Variants in ARNT observed in about 807,000 individuals in gnomAD.
ARNT encodes the protein aryl hydrocarbon receptor nuclear translocator, also known as class E basic helix-loop-helix protein 2.
Under a neutral mutation model 105.0 loss-of-function variants are expected in ARNT, and 30 were observed. The ratio of observed to expected loss-of-function variants is 0.29; its 90% CI spans 0.21 to 0.39. ARNT has a LOEUF of 0.39. ARNT is among the 10% of genes least tolerant of loss of function. The probability of loss-of-function intolerance (pLI) is 1.00; values close to 1 mark genes in which losing one functional copy is unlikely to be tolerated. For missense variants in ARNT, 748 were observed against 978.7 expected (o/e 0.76, Z 3.15); for synonymous variants, 304 against 344.0 (o/e 0.88, Z 1.29).
At chr1:150,865,581 C>T (rs910402686) in intron 1 of ARNT, among the ~76,000 whole-genome samples, 1 of 152,094 alleles carries the variant, frequency 6.6e-6, no homozygotes, top group African/African-American at 2.4e-5. Context: ...TTCTCTATTC[C>T]TTCTAACCAA....
rs587605416 is a variant in ARNT, at chr1:150,838,552, A to G, written c.486+889T>C. 7.2e-5 allele frequency among the ~76,000 whole-genome samples: 11 copies of G among 152,314 alleles called. No homozygotes were observed. The South Asian group carries it at 2.3e-3, about 32-fold the overall frequency. On this transcript the variant is annotated intron_variant, in intron 6 of 21. Transcript: ENST00000358595. ...TATGTAGTTTTAAGTAGACCATCCT[A>G]TTTGGAAAATTCTTATTCCATTTTC...
At chr1:150,827,972 A>C (rs1658611745) in intron 12 of ARNT, among the ~76,000 whole-genome samples, 1 of 152,192 alleles carries the variant, frequency 6.6e-6, no homozygotes, top group Admixed American at 6.5e-5. Context: ...CTTCAGTCAA[A>C]TGTCAAGTCT....
chr1:150,854,312 C>T (rs1664155480), intron 2 of ARNT, among the ~76,000 whole-genome samples: 1 of 152,156 alleles, frequency 6.6e-6, no homozygotes, highest in Admixed American at 6.5e-5. Context: ...AGTCCACGCA[C>T]TTTGGGAGGC....
chr1:150,813,805 C>T (rs1403645986), intron 20 of ARNT, among the ~76,000 whole-genome samples: 2 of 151,908 alleles, frequency 1.3e-5, no homozygotes, highest in East Asian at 1.9e-4. Context: ...GTACCACACC[C>T]GGTAGAGACA....
rs201943984 is a variant in ARNT, at chr1:150,817,476, AT to A, written c.1506-44del. ...GTTGACAAGACAAATAGAAAAAAAA[AT>A]TTTTTTTAAAAAAGAATCTGGAGAA... On this transcript the variant is annotated intron_variant, in intron 15 of 21. Transcript: ENST00000358595. The A allele has an allele frequency of 4.4e-6, 7 of 1,582,566 alleles. No individual in the cohort carries two copies. The Admixed American group carries it at 8.7e-5, about 20-fold the overall frequency.
chr1:150,818,512 A>T (rs1404966707), intron 14 of ARNT: 1 of 152,178 alleles, frequency 6.6e-6, no homozygotes, highest in Non-Finnish European at 1.5e-5. Flanking sequence ...GCACTTTGGG[A>T]GGCTGAGGCA....
At chr1:150,824,000 G>A (rs1031055793) in intron 13 of ARNT, among the ~76,000 whole-genome samples, 9 of 148,162 alleles carry the variant, frequency 6.1e-5, no homozygotes, top group Non-Finnish European at 1.3e-4. Context: ...GTGCCACCAC[G>A]CCCAGCTAAT....
At chr1:150,859,344 CT>C (rs587772891) in intron 1 of ARNT, among the ~76,000 whole-genome samples, 1,678 of 133,858 alleles carry the variant, frequency 0.013, 13 homozygotes, top group African/African-American at 0.019. Flanking sequence ...CAGCTGAGTA[CT>C]TTTTTTTTTT....
intron 1 of ARNT, among the ~76,000 whole-genome samples, chr1:150,871,016 A>C (rs1268492620): frequency 6.6e-6 from 1 of 151,996 alleles, no homozygotes; most frequent in Non-Finnish European, 1.5e-5. Flanking sequence ...AAAATAATAA[A>C]AACTTTAAAA....
intron 19 of ARNT, 121 bp from the exon 20 acceptor site, chr1:150,814,360 T>A (rs1267603120): frequency 2.1e-6 from 2 of 937,504 alleles, no homozygotes; most frequent in Non-Finnish European, 3.2e-6. Flanking sequence ...TCATCACTTA[T>A]TTCCTATTGT....
At chr1:150,856,291 T>G (rs943034307) in intron 2 of ARNT, among the ~76,000 whole-genome samples, 3 of 151,456 alleles carry the variant, frequency 2.0e-5, no homozygotes, top group Non-Finnish European at 4.4e-5. Flanking sequence ...TACAAAAAAA[T>G]TAGTCGGGCA....
intron 1 of ARNT, among the ~76,000 whole-genome samples, chr1:150,875,971 CCGGGGACGGAGA>C (rs1376312693): frequency 1.1e-4 from 16 of 152,282 alleles, no homozygotes; most frequent in African/African-American, 3.8e-4. Flanking sequence ...AAAGTATAGT[CCGGGGACGGAGA>C]CGGGGACGGG....
chr1:150,817,230 A>G lies in ARNT; in HGVS notation c.1579-28T>C, dbSNP rs1379243974. ...GTGGAATACAATGATAAAAATAACC[A>G]TTAAAGATTTAACATGACAATTCAA... On this transcript the variant is annotated intron_variant, in intron 16 of 21. Coordinates refer to ENST00000358595, the MANE Select transcript of ARNT (RefSeq NM_001668.4). 8 of 1,613,514 alleles carry G rather than the reference A, an allele frequency of 5.0e-6. No individual in the cohort carries two copies. The East Asian group carries it at 1.3e-4, about 27-fold the overall frequency.
intron 12 of ARNT, 114 bp from the exon 13 acceptor site, chr1:150,826,731 A>G (rs1658368205): frequency 3.0e-6 from 2 of 667,518 alleles, no homozygotes; most frequent in Non-Finnish European, 5.1e-6. Flanking sequence ...TGCAACCTCC[A>G]CCTCCTGAGT....
intron 5 of ARNT, among the ~76,000 whole-genome samples, chr1:150,840,945 C>CTTTTTT (rs777444553): frequency 6.5e-4 from 67 of 103,710 alleles, no homozygotes; most frequent in Middle Eastern, 6.0e-3. Context: ...CTCTCTTCTT[C>CTTTTTT]TTTTTTTTTT....
In ARNT at chr1:150,858,248, G is replaced by C. The variant is rs1571449518; in HGVS notation, c.137+101C>G. On this transcript the variant is annotated intron_variant, in intron 2 of 21. Coordinates refer to ENST00000358595, the MANE Select transcript of ARNT (RefSeq NM_001668.4). ...GTAGTAAGTAATCAAGTTGAAGTGA[G>C]ATGGTCAGGAATAGCGAAGTGAGTT... is the stretch of plus-strand genomic sequence containing the variant. 4.9e-6 allele frequency: 4 copies of C among 813,486 alleles called. No homozygotes were observed. The East Asian group carries it at 8.1e-5, about 16-fold the overall frequency. 50.4% of individuals were successfully genotyped at this position (813,486 alleles called of 1,614,324 possible). A position where few individuals can be genotyped will look rare whatever the true frequency, so the allele number is the denominator to read the frequency against.
chr1:150,857,103 T>C (rs1169370738), intron 2 of ARNT, among the ~76,000 whole-genome samples: 1 of 152,188 alleles, frequency 6.6e-6, no homozygotes, highest in Non-Finnish European at 1.5e-5. Flanking sequence ...GTGGTATATA[T>C]TCTTTCAGTT....
At position 150,831,721 on chromosome 1, in the gene ARNT, A is replaced by G. The variant is rs1053988696; in HGVS notation, c.955+97T>C. On this transcript the variant is annotated intron_variant, in intron 10 of 21. Transcript: ENST00000358595. Reference sequence around the variant, plus strand: ...TTTCTTTCATCTTACACAAAAGTACATTTCATATACCAGGTATATAATAAA... The same window carrying G: ...TTTCTTTCATCTTACACAAAAGTACGTTTCATATACCAGGTATATAATAAA... The G allele has an allele frequency of 3.9e-6, 3 of 770,882 alleles. No individual in the cohort carries two copies. In the African/African-American group the frequency reaches 5.5e-5, roughly 14 times the overall value. 47.8% of individuals were successfully genotyped at this position (770,882 alleles called of 1,614,324 possible). A position where few individuals can be genotyped will look rare whatever the true frequency, so the allele number is the denominator to read the frequency against.
chr1:150,823,958 T>TC (rs1433104775), intron 13 of ARNT, among the ~76,000 whole-genome samples: 1 of 150,670 alleles, frequency 6.6e-6, no homozygotes, highest in Non-Finnish European at 1.5e-5. Context: ...TTCTCCTGCC[T>TC]CAGCCTCCCA....
Sources: allele counts gnomAD v4.1 joint callset (sites outside exome capture counted in the v4.1 genomes callset), GRCh38; gene constraint gnomAD v4.1.1; transcripts MANE v1.5; gene names NCBI Gene and HGNC (gene_info 2026-07-23, HGNC 2026-07-21).